Variants in PCCA observed in about 807,000 individuals in gnomAD.
PCCA encodes the protein propionyl-CoA carboxylase alpha chain, mitochondrial.
A neutral mutation model predicts 101.3 loss-of-function variants in PCCA; 74 were observed. The observed-to-expected ratio is 0.73, with a 90% CI of 0.61 to 0.89. The LOEUF (loss-of-function observed/expected upper bound fraction) is 0.89, where lower values mean the gene tolerates loss of function less well. PCCA is among the 40% of genes least tolerant of loss of function. The probability of loss-of-function intolerance (pLI) is 0.00; values close to 1 mark genes in which losing one functional copy is unlikely to be tolerated. For synonymous variants in PCCA, 294 were observed against 313.6 expected (o/e 0.94, Z 0.66); for missense variants, 891 against 907.0 (o/e 0.98, Z 0.23).
chr13:100,308,920 A>G (rs1406437831), intron 15 of PCCA, among the ~76,000 whole-genome samples: 1 of 152,220 alleles, frequency 6.6e-6, no homozygotes, highest in Non-Finnish European at 1.5e-5. Flanking sequence ...CAAATTATAG[A>G]GATACATATA....
rs1019351596 is a variant in PCCA at position 100,101,791 on chromosome 13, C to T, written c.106-1092C>T. Among the ~76,000 whole-genome samples, 7 of 151,804 alleles carry T rather than the reference C, an allele frequency of 4.6e-5. No homozygotes were observed. In the East Asian group the frequency reaches 9.7e-4, roughly 21 times the overall value. On this transcript the variant is annotated intron_variant, in intron 1 of 23. Transcript: ENST00000376285. Reference sequence around the variant, plus strand: ...TTTTTGTGTGTGTTTTTAGTAGAGACGGGATTTCGCCATTTTGGCCAGTCT... The same window carrying T: ...TTTTTGTGTGTGTTTTTAGTAGAGATGGGATTTCGCCATTTTGGCCAGTCT...
intron 7 of PCCA, among the ~76,000 whole-genome samples, chr13:100,209,726 G>T (rs1166032695): frequency 2.6e-5 from 4 of 151,986 alleles, no homozygotes; most frequent in African/African-American, 9.7e-5. Context: ...CTGCCTCCTG[G>T]GTTCAAGCGA....
chr13:100,170,398 G>C (rs1228572296), intron 6 of PCCA, among the ~76,000 whole-genome samples: 1 of 152,150 alleles, frequency 6.6e-6, no homozygotes, highest in Non-Finnish European at 1.5e-5. Flanking sequence ...ACTTTTAAAT[G>C]CATGCTTTCT....
At chr13:100,151,296 A>T (rs1210635235) in intron 4 of PCCA, among the ~76,000 whole-genome samples, 2 of 152,186 alleles carry the variant, frequency 1.3e-5, no homozygotes, top group Non-Finnish European at 2.9e-5. Flanking sequence ...TTCAAAATAG[A>T]AAACTAAATG....
At chr13:100,333,874 C>T (rs1426895642) in intron 17 of PCCA, among the ~76,000 whole-genome samples, 1 of 152,082 alleles carries the variant, frequency 6.6e-6, no homozygotes, top group Non-Finnish European at 1.5e-5. Flanking sequence ...TTAAAAAATA[C>T]TACTATGATA....
At chr13:100,294,367 C>T (rs1218179783) in intron 12 of PCCA, among the ~76,000 whole-genome samples, 4 of 152,094 alleles carry the variant, frequency 2.6e-5, no homozygotes, top group Non-Finnish European at 4.4e-5. Context: ...TAATGGTTTC[C>T]TTATCATTTC....
At chr13:100,165,661 T>C (rs1236964573) in intron 6 of PCCA, among the ~76,000 whole-genome samples, 3 of 152,226 alleles carry the variant, frequency 2.0e-5, no homozygotes, top group Non-Finnish European at 4.4e-5. Flanking sequence ...TCAATCTCAT[T>C]TTCATTTTGC....
intron 12 of PCCA, among the ~76,000 whole-genome samples, chr13:100,286,692 T>A (rs2064696280): frequency 6.6e-6 from 1 of 152,132 alleles, no homozygotes. Context: ...TGCTTGATTT[T>A]CCAAAAGAAG....
intron 21 of PCCA, among the ~76,000 whole-genome samples, chr13:100,475,887 T>C (rs1210719935): frequency 6.6e-6 from 1 of 152,204 alleles, no homozygotes; most frequent in Non-Finnish European, 1.5e-5. Context: ...AGTATTCTGC[T>C]TTCTTCCCTA....
At chr13:100,226,799 C>T (rs923738415) in intron 7 of PCCA, among the ~76,000 whole-genome samples, 1 of 152,112 alleles carries the variant, frequency 6.6e-6, no homozygotes, top group Admixed American at 6.6e-5. Context: ...AATTACTAAC[C>T]TTAATTGAGT....
intron 1 of PCCA, among the ~76,000 whole-genome samples, chr13:100,092,502 C>T (rs1296442629): frequency 1.3e-5 from 2 of 152,038 alleles, no homozygotes; most frequent in African/African-American, 4.8e-5. Context: ...CCCATCTCAG[C>T]CTCCCAAGTA....
intron 18 of PCCA, among the ~76,000 whole-genome samples, chr13:100,362,390 G>A (rs2074718000): frequency 1.3e-5 from 2 of 152,150 alleles, no homozygotes; most frequent in Admixed American, 1.3e-4. Context: ...GCATTTATGT[G>A]CCAAACACTA....
At chr13:100,368,060 T>C (rs1183352299) in intron 18 of PCCA, among the ~76,000 whole-genome samples, 1 of 152,190 alleles carries the variant, frequency 6.6e-6, no homozygotes, top group East Asian at 1.9e-4. Flanking sequence ...AGTAGAATAA[T>C]GTAGAGAGGT....
At chr13:100,131,642 G>A (rs906979096) in intron 4 of PCCA, among the ~76,000 whole-genome samples, 11 of 152,026 alleles carry the variant, frequency 7.2e-5, no homozygotes, top group Admixed American at 6.6e-5. Flanking sequence ...TTTTTATACA[G>A]TGTTTTAAAG....
At chr13:100,318,442 A>G (rs2067625443) in intron 16 of PCCA, among the ~76,000 whole-genome samples, 1 of 150,876 alleles carries the variant, frequency 6.6e-6, no homozygotes, top group Admixed American at 6.6e-5. Flanking sequence ...TTAACTCGTC[A>G]TTTACATTAG....
Position 100,155,033 on chromosome 13 carries a change from A to AT in PCCA, c.355_356insT (p.Lys119IlefsTer14). 6.2e-7 allele frequency: 1 copy of AT among 1,614,136 alleles called. No homozygotes were observed. The highest frequency in any genetic ancestry group is 8.5e-7 in the Non-Finnish European group (1 of 1,179,966). ...CTGTGTTGGCCCAGCTCCCACCAGT[A>AT]AAAGCTACCTCAACATGGATGCCAT... is the stretch of plus-strand genomic sequence containing the variant. On this transcript the variant is annotated frameshift_variant, in exon 5 of 24. Transcript: ENST00000376285. LOFTEE classifies it high-confidence loss of function.
At chr13:100,364,527 T>G (rs1034850686) in intron 18 of PCCA, among the ~76,000 whole-genome samples, 5 of 152,248 alleles carry the variant, frequency 3.3e-5, no homozygotes, top group African/African-American at 1.2e-4. Flanking sequence ...AGAGCATATT[T>G]ATATCTGCCA....
intron 15 of PCCA, 29 bp downstream of exon 15, chr13:100,307,289 G>T: frequency 7.2e-7 from 1 of 1,395,034 alleles, no homozygotes; most frequent in South Asian, 1.2e-5. Context: ...TGGATTATTT[G>T]ATTTCTTCGA....
chr13:100,440,577 A>G (rs1282200016), intron 20 of PCCA, among the ~76,000 whole-genome samples: 1 of 152,058 alleles, frequency 6.6e-6, no homozygotes, highest in Non-Finnish European at 1.5e-5. Context: ...AAAGCGGCAT[A>G]CATTTTTGCC....
Sources: gnomAD v4.1 joint callset for allele counts (sites outside exome capture counted in the v4.1 genomes callset) on GRCh38, gnomAD v4.1.1 for gene constraint, MANE v1.5 for transcripts, NCBI Gene and HGNC (gene_info 2026-07-23, HGNC 2026-07-21) for gene names.